CNKSR3: variants seen among roughly 807,000 people sequenced by gnomAD.
CNKSR3 encodes CNKSR family member 3, also known as connector enhancer of kinase suppressor of ras 3.
A neutral mutation model predicts 67.7 loss-of-function variants in CNKSR3; 36 were observed. The observed-to-expected ratio is 0.53, with a 90% CI of 0.41 to 0.70. The LOEUF is 0.70. Ranked by LOEUF, CNKSR3 falls within the 30% of genes least tolerant of loss-of-function variation. The pLI, the probability that CNKSR3 is intolerant of heterozygous loss-of-function variation, is 0.00. For synonymous variants in CNKSR3, 281 were observed against 271.4 expected, an observed-to-expected ratio of 1.04 and a Z score of -0.35; for missense variants, 630 against 695.2, an observed-to-expected ratio of 0.91 and a Z score of 1.05.
intron 9 of CNKSR3, among the ~76,000 whole-genome samples, chr6:154,420,545 C>T (rs1367413737): frequency 1.3e-5 from 2 of 150,910 alleles, no homozygotes; most frequent in Admixed American, 6.6e-5. Context: ...AAAAATTAGC[C>T]GGGCGTAGTG....
At chr6:154,451,383 T>C (rs556252290) in intron 1 of CNKSR3, among the ~76,000 whole-genome samples, 2 of 152,376 alleles carry the variant, frequency 1.3e-5, no homozygotes, top group East Asian at 1.9e-4. Flanking sequence ...TTAAAAGTTA[T>C]ATAAACTCAA....
intron 2 of CNKSR3, among the ~76,000 whole-genome samples, chr6:154,442,552 G>A (rs1163465308): frequency 6.6e-6 from 1 of 152,154 alleles, no homozygotes; most frequent in Admixed American, 6.5e-5. Flanking sequence ...AACCCGGGAG[G>A]CAGAGCTTGC....
In CNKSR3 at chr6:154,398,403, C is replaced by T. The variant is rs888114252; in HGVS notation, c.*7951G>A. On this transcript the variant is annotated 3_prime_UTR_variant, in exon 13 of 13. Transcript: ENST00000607772. ...CATTTTTTACTTCCCTTTGTCTCTC[C>T]CATAGCTTCTCTTTCCTTTTCACTT... The T allele has an allele frequency of 6.6e-6, 1 of 152,196 alleles. No homozygotes were observed. The highest frequency in any genetic ancestry group is 2.4e-5 in the African/African-American group (1 of 41,452). The allele number at this position is 152,196 out of a possible 1,614,324, so 9.4% of individuals were successfully genotyped here. A position where few individuals can be genotyped will look rare whatever the true frequency, so the allele number is the denominator to read the frequency against.
intron 3 of CNKSR3, 65 bp from the exon 4 acceptor site, chr6:154,441,444 T>C (rs1180186901): frequency 9.3e-6 from 11 of 1,177,226 alleles, no homozygotes; most frequent in Non-Finnish European, 1.4e-5. Flanking sequence ...CCACTGGATG[T>C]TGGTAAGCAT....
chr6:154,406,308 G>A lies in CNKSR3; in HGVS notation c.*46C>T, dbSNP rs1784786471. 3.2e-6 allele frequency: 5 copies of A among 1,551,378 alleles called. No homozygotes were observed. The highest frequency in any genetic ancestry group is 4.4e-6 in the Non-Finnish European group (5 of 1,143,858). ...AAGAGGCTGTCCACTGTAAAAGCAA[G>A]GCACTTGGGGCAGGAGCCAGGCAGG... On this transcript the variant is annotated 3_prime_UTR_variant, in exon 13 of 13. Coordinates refer to ENST00000607772, the MANE Select transcript of CNKSR3 (RefSeq NM_173515.4).
rs1785409896 is a variant in CNKSR3 at position 154,433,468 on chromosome 6, C to T, written c.547G>A (p.Val183Met). 1.3e-6 allele frequency: 2 copies of T among 1,580,532 alleles called. No homozygotes were observed. Among genetic ancestry groups the T allele is most frequent in the Admixed American group, 3.4e-5 (2 of 58,094 alleles). ...TAACTTTTAGAATGTATACTTACCACAGTTAAAACTTTATCCTCCATTTCC... is the reference window on the plus strand; with the variant it reads ...TAACTTTTAGAATGTATACTTACCATAGTTAAAACTTTATCCTCCATTTCC... Reference protein sequence around the residue: ...VAEMEDKVLTVVKVLNGICDK... With the variant: ...VAEMEDKVLTMVKVLNGICDK... The change falls in exon 5 of 13, where the codon GTG (valine) becomes ATG (methionine). Residue 183 changes from valine to methionine, a missense_variant and splice_region_variant. By Grantham distance (21) the Val-to-Met change is conservative (BLOSUM62 1). This residue lies in a region of CNKSR3 where 133 missense variants were observed against 190.6 expected (regional missense o/e 0.70). Transcript: ENST00000607772.
rs139628768 is a variant in CNKSR3 at position 154,439,993 on chromosome 6, C to A, written c.507+1299G>T. Among the ~76,000 whole-genome samples, 1,388 of 152,320 alleles carry A rather than the reference C, an allele frequency of 9.1e-3. 8 individuals are homozygous for A. Among genetic ancestry groups the A allele is most frequent in the Middle Eastern group, 0.044 (13 of 294 alleles). ...GTAGGTATCAGGGAAATGCCTTCAACCACAAATGCCATGCCTTCATGGCTG... is the reference window on the plus strand; with the variant it reads ...GTAGGTATCAGGGAAATGCCTTCAAACACAAATGCCATGCCTTCATGGCTG... On this transcript the variant is annotated intron_variant, in intron 4 of 12. Coordinates refer to ENST00000607772, the MANE Select transcript of CNKSR3 (RefSeq NM_173515.4).
intron 1 of CNKSR3, among the ~76,000 whole-genome samples, chr6:154,465,226 G>A (rs1268472942): frequency 6.6e-6 from 1 of 151,108 alleles, no homozygotes; most frequent in African/African-American, 2.4e-5. Flanking sequence ...AAAATTGACA[G>A]CTTAAATAAA....
At chr6:154,427,515 C>T (rs1785280517) in intron 7 of CNKSR3, among the ~76,000 whole-genome samples, 1 of 152,216 alleles carries the variant, frequency 6.6e-6, no homozygotes, top group Admixed American at 6.5e-5. Context: ...AGCTCTACTT[C>T]TCACAAATTC....
At position 154,397,302 on chromosome 6, in the gene CNKSR3, G is replaced by A. The variant is rs911229928; in HGVS notation, c.*9052C>T. The A allele has an allele frequency of 1.3e-5, 2 of 152,156 alleles. No homozygotes were observed. Among genetic ancestry groups the A allele is most frequent in the African/African-American group, 4.8e-5 (2 of 41,440 alleles). 9.4% of individuals were successfully genotyped at this position (152,156 alleles called of 1,614,324 possible). Reference sequence around the variant, plus strand: ...TAGTAAAACATAGTACTCTAAACACGGTTAGCTTACATGTTCTTCCATTTA... The same window carrying A: ...TAGTAAAACATAGTACTCTAAACACAGTTAGCTTACATGTTCTTCCATTTA... On this transcript the variant is annotated 3_prime_UTR_variant, in exon 13 of 13. Coordinates refer to ENST00000607772, the MANE Select transcript of CNKSR3 (RefSeq NM_173515.4).
Position 154,397,797 on chromosome 6 carries a change from C to T in CNKSR3, c.*8557G>A, listed in dbSNP as rs1784676441. ...ACAGGGCAGACAGTACAGCCTGCAA[C>T]TGTGATGGAATTAACAGGGTAGGCC... On this transcript the variant is annotated 3_prime_UTR_variant, in exon 13 of 13. Transcript: ENST00000607772. 6.6e-6 allele frequency: 1 copy of T among 151,610 alleles called. No homozygotes were observed. The highest frequency in any genetic ancestry group is 6.6e-5 in the Admixed American group (1 of 15,220). 9.4% of individuals were successfully genotyped at this position (151,610 alleles called of 1,614,324 possible).
intron 9 of CNKSR3, among the ~76,000 whole-genome samples, chr6:154,415,131 A>AAG (rs1784995515): frequency 6.7e-6 from 1 of 150,008 alleles, no homozygotes; most frequent in African/African-American, 2.5e-5. Flanking sequence ...AACAAGAAAG[A>AAG]AAAGAAAAGA....
intron 1 of CNKSR3, among the ~76,000 whole-genome samples, chr6:154,481,186 G>C (rs540996198): frequency 6.6e-6 from 1 of 151,426 alleles, no homozygotes; most frequent in South Asian, 2.1e-4. Context: ...TTTGATAGCA[G>C]TCAGTTCTAA....
intron 3 of CNKSR3, 107 bp downstream of exon 3, chr6:154,441,981 G>T (rs779761549): frequency 9.5e-6 from 10 of 1,052,176 alleles, no homozygotes; most frequent in Non-Finnish European, 1.3e-5. Flanking sequence ...CGGTAAAAAT[G>T]ATATGAAAAG....
chr6:154,411,389 G>A (rs147302148), intron 10 of CNKSR3, among the ~76,000 whole-genome samples: 2,060 of 152,274 alleles, frequency 0.014, 49 homozygotes, highest in African/African-American at 0.047. Context: ...GCTCCCGCCT[G>A]TAATCCCAGC....
chr6:154,495,527 C>A lies in CNKSR3; in HGVS notation c.52+14536G>T, dbSNP rs144493861. ...GGGACTATAGGTGTGCACAACCACA[C>A]CCACTCATTTTAACATTTTTTTTTT... On this transcript the variant is annotated intron_variant, in intron 1 of 12. Coordinates refer to ENST00000607772, the MANE Select transcript of CNKSR3 (RefSeq NM_173515.4). 8.3e-3 allele frequency among the ~76,000 whole-genome samples: 1,252 copies of A among 151,378 alleles called. 13 individuals carry two copies. The highest frequency in any genetic ancestry group is 0.029 in the African/African-American group (1,182 of 40,840).
At chr6:154,406,729 G>A (rs1784801312) in intron 12 of CNKSR3, 77 bp from the exon 13 acceptor site, 1 of 1,329,142 alleles carries the variant, frequency 7.5e-7, no homozygotes, top group East Asian at 2.5e-5. Flanking sequence ...CCGCACTTTG[G>A]GAGGTCGAGG....
chr6:154,443,656 C>T (rs1785650126), intron 2 of CNKSR3, among the ~76,000 whole-genome samples: 1 of 150,390 alleles, frequency 6.6e-6, no homozygotes, highest in South Asian at 2.1e-4. Flanking sequence ...GACACTCACA[C>T]AAAAAAAAAC....
intron 1 of CNKSR3, among the ~76,000 whole-genome samples, chr6:154,480,438 C>G (rs1444727755): frequency 6.6e-6 from 1 of 152,190 alleles, no homozygotes; most frequent in African/African-American, 2.4e-5. Flanking sequence ...GGCACCTGTT[C>G]TGGTGTGTGT....
Sources: allele counts gnomAD v4.1 joint callset (sites outside exome capture counted in the v4.1 genomes callset), GRCh38; gene constraint gnomAD v4.1.1; regional missense constraint gnomAD v4.1.1; transcripts MANE v1.5; gene names NCBI Gene and HGNC (gene_info 2026-07-23, HGNC 2026-07-21).